ENTREP2: variants seen among roughly 807,000 people sequenced by gnomAD.
The protein encoded by ENTREP2 is protein ENTREP2.
the ENTREP2 span, among the ~76,000 whole-genome samples, chr15:29,654,506 C>A: frequency 6.6e-6 from 1 of 152,150 alleles, no homozygotes; most frequent in African/African-American, 2.4e-5. Flanking sequence ...GAAAGACATG[C>A]ATTAATAAGA....
chr15:29,478,005 A>ATTTT, the ENTREP2 span, among the ~76,000 whole-genome samples: 3 of 73,798 alleles, frequency 4.1e-5, no homozygotes, highest in African/African-American at 1.7e-4. Flanking sequence ...ATATATATAT[A>ATTTT]TATATATATA....
chr15:29,152,098 G>A, the ENTREP2 span, among the ~76,000 whole-genome samples: 1 of 152,190 alleles, frequency 6.6e-6, no homozygotes, highest in African/African-American at 2.4e-5. Flanking sequence ...TAATTATTAG[G>A]TAGTCAGTAA....
the ENTREP2 span, among the ~76,000 whole-genome samples, chr15:29,394,878 ATCTCTTTTTTTTT>A: frequency 2.3e-5 from 1 of 42,926 alleles, no homozygotes; most frequent in African/African-American, 4.3e-5. Flanking sequence ...ATGTGTCAGA[ATCTCTTTTTTTTT>A]TTTTTTTTTT....
the ENTREP2 span, among the ~76,000 whole-genome samples, chr15:29,658,206 A>G: frequency 2.6e-5 from 4 of 152,156 alleles, no homozygotes; most frequent in Middle Eastern, 3.2e-3. Flanking sequence ...GTGAGTTCTC[A>G]TGAGATCTGA....
At chr15:29,476,120 T>G in the ENTREP2 span, among the ~76,000 whole-genome samples, 1 of 152,234 alleles carries the variant, frequency 6.6e-6, no homozygotes, top group Non-Finnish European at 1.5e-5. Flanking sequence ...AATTATACTC[T>G]TCAAAAGGAA....
At chr15:29,350,988 A>G in the ENTREP2 span, among the ~76,000 whole-genome samples, 1 of 152,246 alleles carries the variant, frequency 6.6e-6, no homozygotes, top group Admixed American at 6.5e-5. Flanking sequence ...TATACATTTC[A>G]TAAGAGATAA....
the ENTREP2 span, among the ~76,000 whole-genome samples, chr15:29,460,386 T>G: frequency 1.9e-4 from 29 of 152,234 alleles, no homozygotes; most frequent in Non-Finnish European, 3.2e-4. Flanking sequence ...ATCCCGACAC[T>G]CTGGAAGGCC....
the ENTREP2 span, among the ~76,000 whole-genome samples, chr15:29,140,335 T>C: frequency 6.6e-6 from 1 of 152,146 alleles, no homozygotes. Context: ...GCGGGGCAAC[T>C]CCACTCAGCC....
the ENTREP2 span, among the ~76,000 whole-genome samples, chr15:29,132,859 C>A: frequency 6.6e-6 from 1 of 152,112 alleles, no homozygotes; most frequent in African/African-American, 2.4e-5. Context: ...GCAGAGGGGT[C>A]CAAGGGGCAG....
chr15:29,561,639 G>A, the ENTREP2 span, among the ~76,000 whole-genome samples: 1 of 151,996 alleles, frequency 6.6e-6, no homozygotes, highest in Non-Finnish European at 1.5e-5. Flanking sequence ...AGTGAGCCGA[G>A]ACTACGCCAC....
At chr15:29,635,367 T>C in the ENTREP2 span, among the ~76,000 whole-genome samples, 2 of 152,136 alleles carry the variant, frequency 1.3e-5, no homozygotes, top group Non-Finnish European at 2.9e-5. Flanking sequence ...TCAAGAGTCA[T>C]GTGCCAGGAA....
the ENTREP2 span, among the ~76,000 whole-genome samples, chr15:29,138,700 T>C: frequency 2.4e-5 from 2 of 81,968 alleles, no homozygotes; most frequent in East Asian, 4.9e-4. Context: ...TGTGTGTGTA[T>C]GCGTGTGTGT....
the ENTREP2 span, among the ~76,000 whole-genome samples, chr15:29,241,738 G>A: frequency 6.6e-5 from 10 of 152,178 alleles, no homozygotes; most frequent in Non-Finnish European, 1.0e-4. Flanking sequence ...AACTTCTGCA[G>A]AATGAATTGA....
At chr15:29,319,524 G>A in the ENTREP2 span, among the ~76,000 whole-genome samples, 1 of 152,184 alleles carries the variant, frequency 6.6e-6, no homozygotes. Context: ...AAACCACTGG[G>A]TGAGAAATTC....
the ENTREP2 span, among the ~76,000 whole-genome samples, chr15:29,559,161 C>G: frequency 1.3e-5 from 2 of 151,940 alleles, no homozygotes; most frequent in Admixed American, 6.5e-5. Context: ...GTTAGAATCG[C>G]GTCTGGCAAA....
the ENTREP2 span, among the ~76,000 whole-genome samples, chr15:29,417,656 TA>T: frequency 6.6e-6 from 1 of 151,546 alleles, no homozygotes; most frequent in African/African-American, 2.4e-5. Flanking sequence ...TAATAAAATT[TA>T]AAATAATAAT....
At chr15:29,332,633 C>T in the ENTREP2 span, among the ~76,000 whole-genome samples, 48 of 152,086 alleles carry the variant, frequency 3.2e-4, no homozygotes, top group South Asian at 2.1e-4. Flanking sequence ...TCTTCAGAAA[C>T]GAAACATGTT....
the ENTREP2 span, among the ~76,000 whole-genome samples, chr15:29,674,141 G>GGGC: frequency 0.024 from 3,349 of 142,394 alleles, 257 homozygotes; most frequent in Non-Finnish European, 0.04. Flanking sequence ...GGGGGGGGGG[G>GGGC]GGCTTTGCCA....
chr15:29,235,703 C>T, the ENTREP2 span, among the ~76,000 whole-genome samples: 17 of 152,274 alleles, frequency 1.1e-4, no homozygotes, highest in Middle Eastern at 3.4e-3. Flanking sequence ...TGTTAGCTCA[C>T]GCCTGTAAAC....
Sources: gnomAD v4.1 joint callset for allele counts (sites outside exome capture counted in the v4.1 genomes callset) on GRCh38, gnomAD v4.1.1 for gene constraint, MANE v1.5 for transcripts, NCBI Gene and HGNC (gene_info 2026-07-23, HGNC 2026-07-21) for gene names.